MTUS2: variants seen among roughly 807,000 people sequenced by gnomAD.
The protein encoded by MTUS2 is microtubule associated scaffold protein 2.
A neutral mutation model predicts 114.1 loss-of-function variants in MTUS2; 40 were observed. The ratio of observed to expected loss-of-function variants is 0.35; its 90% CI spans 0.27 to 0.46. The LOEUF is 0.46. Among genes scored for constraint, MTUS2 ranks in the 20% least tolerant of loss-of-function variants. MTUS2 has a pLI of 1.00. For missense variants in MTUS2, 1,679 were observed against 1,705.4 expected (o/e 0.98, Z 0.27); for synonymous variants, 688 against 672.0 (o/e 1.02, Z -0.37).
intron 5 of MTUS2, among the ~76,000 whole-genome samples, chr13:29,161,605 G>A (rs771636082): frequency 4.6e-5 from 7 of 152,028 alleles, no homozygotes; most frequent in Non-Finnish European, 8.8e-5. Context: ...CCCCTTTTCC[G>A]TAAAACTCTA....
intron 7 of MTUS2, among the ~76,000 whole-genome samples, chr13:29,349,448 G>A (rs1283492987): frequency 1.3e-5 from 2 of 152,030 alleles, no homozygotes; most frequent in African/African-American, 4.8e-5. Context: ...ATAAGAAGAA[G>A]TCTGAGTTAC....
At chr13:29,372,810 G>A (rs1871303416) in intron 8 of MTUS2, among the ~76,000 whole-genome samples, 1 of 152,090 alleles carries the variant, frequency 6.6e-6, no homozygotes, top group African/African-American at 2.4e-5. Flanking sequence ...CACAAACTAA[G>A]CAAGGGATCC....
chr13:28,875,488 A>G lies in MTUS2; in HGVS notation c.-243+35638A>G, dbSNP rs182247523. Among the ~76,000 whole-genome samples the G allele has an allele frequency of 5.1e-4, 77 of 152,344 alleles. No individual in the cohort carries two copies. The East Asian group carries it at 0.013, about 25-fold the overall frequency. On this transcript the variant is annotated intron_variant, in intron 2 of 15. Coordinates refer to ENST00000612955, the MANE Select transcript of MTUS2 (RefSeq NM_001033602.4). ...TGCCCTTACATTGCTGTTGTAGTCA[A>G]CCTATGTCTTCAGTGTTCTGTATTC...
chr13:29,024,352 GAAAT>G (rs1028699481), intron 2 of MTUS2, 101 bp from the exon 3 acceptor site: 2 of 251,278 alleles, frequency 8.0e-6, no homozygotes, highest in African/African-American at 4.4e-5. Flanking sequence ...TTGATTGAAT[GAAAT>G]AATAATATAG....
chr13:29,464,293 T>C (rs1368939438), intron 9 of MTUS2, among the ~76,000 whole-genome samples: 1 of 152,240 alleles, frequency 6.6e-6, no homozygotes, highest in Non-Finnish European at 1.5e-5. Flanking sequence ...TTCAGTAACC[T>C]GAGACTCCAC....
chr13:29,039,592 T>C (rs1452260015), intron 4 of MTUS2, among the ~76,000 whole-genome samples: 6 of 152,224 alleles, frequency 3.9e-5, no homozygotes, highest in African/African-American at 1.4e-4. Flanking sequence ...CAGCTGCCTC[T>C]ACTTTTGTGC....
At chr13:29,274,875 G>A (rs567309501) in intron 5 of MTUS2, among the ~76,000 whole-genome samples, 44 of 152,040 alleles carry the variant, frequency 2.9e-4, no homozygotes, top group Non-Finnish European at 5.4e-4. Flanking sequence ...GACTATAGGT[G>A]TGTACCACCA....
Position 29,054,468 on chromosome 13 carries a change from C to A in MTUS2, c.2446+20343C>A, listed in dbSNP as rs117670017. Among the ~76,000 whole-genome samples, 897 of 152,062 alleles carry A rather than the reference C, an allele frequency of 5.9e-3. 14 individuals carry two copies. Among genetic ancestry groups the A allele is most frequent in the Non-Finnish European group, 6.0e-3 (411 of 67,962 alleles). On this transcript the variant is annotated intron_variant, in intron 4 of 15. Coordinates refer to ENST00000612955, the MANE Select transcript of MTUS2 (RefSeq NM_001033602.4). ...ACTTAAATAAGGTACCTTGACTAGG[C>A]AAATTCAAATTTAGAGATAGAAATT...
At chr13:28,999,767 C>T (rs1885298809) in intron 2 of MTUS2, among the ~76,000 whole-genome samples, 1 of 152,184 alleles carries the variant, frequency 6.6e-6, no homozygotes, top group Non-Finnish European at 1.5e-5. Context: ...TTCTCCTCAT[C>T]CTCTTCTGCC....
rs200169241 is a variant in MTUS2 at position 29,484,673 on chromosome 13, CCTCT to C, written c.3400-3221_3400-3218del. On this transcript the variant is annotated intron_variant, in intron 10 of 15. Transcript: ENST00000612955. ...GGAGAGAGTGGGCCTGGGCAGCCTC[CCTCT>C]CTCTCATCCCATGTAGGATGGGCGC... 7.6e-3 allele frequency among the ~76,000 whole-genome samples: 1,156 copies of C among 152,272 alleles called. 14 individuals carry two copies. The highest frequency in any genetic ancestry group is 0.026 in the African/African-American group (1,090 of 41,542).
intron 9 of MTUS2, among the ~76,000 whole-genome samples, chr13:29,470,045 C>A (rs1299612450): frequency 6.6e-6 from 1 of 152,080 alleles, no homozygotes; most frequent in African/African-American, 2.4e-5. Flanking sequence ...ATCCCAGACT[C>A]CTAATGCCCA....
At chr13:29,223,949 C>G (rs1235924947) in intron 5 of MTUS2, among the ~76,000 whole-genome samples, 1 of 152,248 alleles carries the variant, frequency 6.6e-6, no homozygotes, top group Non-Finnish European at 1.5e-5. Context: ...GAACCAGCGC[C>G]TGTGCTGGCA....
intron 5 of MTUS2, among the ~76,000 whole-genome samples, chr13:29,212,582 T>G (rs1324576900): frequency 6.6e-6 from 1 of 152,168 alleles, no homozygotes; most frequent in Non-Finnish European, 1.5e-5. Context: ...GGCTACAAAT[T>G]GGAGGTTCTC....
At chr13:29,146,922 A>G (rs532535994) in intron 5 of MTUS2, among the ~76,000 whole-genome samples, 1 of 152,198 alleles carries the variant, frequency 6.6e-6, no homozygotes, top group Non-Finnish European at 1.5e-5. Flanking sequence ...ATGAATGAAT[A>G]AAGGATGATA....
At chr13:29,231,529 C>A (rs1896325298) in intron 5 of MTUS2, among the ~76,000 whole-genome samples, 1 of 152,208 alleles carries the variant, frequency 6.6e-6, no homozygotes, top group African/African-American at 2.4e-5. Context: ...ATACCCTGAA[C>A]AACAGTGTTT....
chr13:28,826,932 G>A (rs990515185), intron 1 of MTUS2, among the ~76,000 whole-genome samples: 1 of 152,190 alleles, frequency 6.6e-6, no homozygotes, highest in African/African-American at 2.4e-5. Context: ...GTAAATACGG[G>A]AGAAGTAATC....
intron 5 of MTUS2, among the ~76,000 whole-genome samples, chr13:29,274,810 A>G (rs776527493): frequency 6.6e-6 from 1 of 152,120 alleles, no homozygotes; most frequent in Non-Finnish European, 1.5e-5. Flanking sequence ...ACTCACTGCA[A>G]CCTTGACCTC....
chr13:29,049,297 C>T (rs1887779463), intron 4 of MTUS2, among the ~76,000 whole-genome samples: 1 of 152,172 alleles, frequency 6.6e-6, no homozygotes, highest in Non-Finnish European at 1.5e-5. Context: ...GCATTGGGGA[C>T]CATGCTGGAG....
chr13:29,092,487 A>G (rs1331286394), intron 4 of MTUS2, among the ~76,000 whole-genome samples: 5 of 152,178 alleles, frequency 3.3e-5, no homozygotes, highest in South Asian at 2.1e-4. Flanking sequence ...CTTTCACTCA[A>G]TAAAATTCTT....
Sources: gnomAD v4.1 joint callset for allele counts (sites outside exome capture counted in the v4.1 genomes callset) on GRCh38, gnomAD v4.1.1 for gene constraint, MANE v1.5 for transcripts, NCBI Gene and HGNC (gene_info 2026-07-23, HGNC 2026-07-21) for gene names.